PRIM2: variants seen among roughly 807,000 people sequenced by gnomAD.
PRIM2 encodes DNA primase large subunit.
In PRIM2, 39 loss-of-function variants were observed where a neutral mutation model predicts 67.3. The ratio of observed to expected loss-of-function variants is 0.58; its 90% confidence interval spans 0.45 to 0.76. The LOEUF is 0.76. Among genes scored for constraint, PRIM2 ranks in the 30% least tolerant of loss-of-function variants. The probability of loss-of-function intolerance (pLI) is 0.00; values close to 1 mark genes in which losing one functional copy is unlikely to be tolerated. For missense variants in PRIM2, 398 were observed against 598.7 expected (o/e 0.66, Z 3.50); for synonymous variants, 143 against 198.7 (o/e 0.72, Z 2.36).
At chr6:57,440,064 C>G (rs1230538246) in intron 7 of PRIM2, among the ~76,000 whole-genome samples, 1 of 150,880 alleles carries the variant, frequency 6.6e-6, no homozygotes, top group Non-Finnish European at 1.5e-5. Context: ...CAGAAAAGTA[C>G]CAATAAGAAA....
At chr6:57,397,895 A>ATTT (rs1770573606) in intron 7 of PRIM2, among the ~76,000 whole-genome samples, 3 of 98,796 alleles carry the variant, frequency 3.0e-5, no homozygotes, top group African/African-American at 5.3e-5. Context: ...AGATCTTTCT[A>ATTT]ATTTTTTTTT....
At chr6:57,410,691 T>C (rs1301525586) in intron 7 of PRIM2, among the ~76,000 whole-genome samples, 1 of 152,090 alleles carries the variant, frequency 6.6e-6, no homozygotes, top group Admixed American at 6.5e-5. Context: ...AATATAGTTT[T>C]ATTTTTTTTC....
intron 7 of PRIM2, among the ~76,000 whole-genome samples, chr6:57,450,759 T>C (rs1772518162): frequency 6.6e-6 from 1 of 152,326 alleles, no homozygotes; most frequent in South Asian, 2.1e-4. Flanking sequence ...GATCAATCAG[T>C]CAAATATTTA....
chr6:57,274,727 G>C, the PRIM2 span, among the ~76,000 whole-genome samples: 140 of 152,310 alleles, frequency 9.2e-4, 2 homozygotes, highest in Admixed American at 2.5e-3. Flanking sequence ...CATCACTCAC[G>C]CTGGGAGCTG....
chr6:57,319,611 T>C (rs1275943035), intron 2 of PRIM2, among the ~76,000 whole-genome samples: 1 of 152,204 alleles, frequency 6.6e-6, no homozygotes, highest in African/African-American at 2.4e-5. Flanking sequence ...GCCTGAACTA[T>C]GATAATGACA....
At chr6:57,263,740 T>C in the PRIM2 span, among the ~76,000 whole-genome samples, 1 of 152,210 alleles carries the variant, frequency 6.6e-6, no homozygotes, top group Non-Finnish European at 1.5e-5. Context: ...TCTTTTGACA[T>C]CTATCACATC....
At chr6:57,368,482 G>A (rs1273173128) in intron 5 of PRIM2, among the ~76,000 whole-genome samples, 1 of 152,160 alleles carries the variant, frequency 6.6e-6, no homozygotes, top group Non-Finnish European at 1.5e-5. Context: ...GAAGCTTATA[G>A]AAGCTTAAAT....
intron 13 of PRIM2, among the ~76,000 whole-genome samples, chr6:57,637,478 TC>T (rs1305995628): frequency 6.6e-6 from 1 of 152,064 alleles, no homozygotes; most frequent in African/African-American, 2.4e-5. Flanking sequence ...AGGAGCATGT[TC>T]TAACCCAATG....
chr6:57,550,447 A>G (rs1243946645), intron 10 of PRIM2, among the ~76,000 whole-genome samples: 4 of 152,268 alleles, frequency 2.6e-5, no homozygotes, highest in Admixed American at 1.3e-4. Context: ...TAAATTATGT[A>G]TTGGGTTAAG....
At chr6:57,621,831 C>G (rs1562805066) in intron 12 of PRIM2, among the ~76,000 whole-genome samples, 1 of 152,116 alleles carries the variant, frequency 6.6e-6, no homozygotes, top group Non-Finnish European at 1.5e-5. Flanking sequence ...TTCTTTCTAC[C>G]TGAAGGATTT....
At chr6:57,476,667 C>T (rs1346323275) in intron 7 of PRIM2, among the ~76,000 whole-genome samples, 1 of 152,140 alleles carries the variant, frequency 6.6e-6, no homozygotes, top group Non-Finnish European at 1.5e-5. Flanking sequence ...GTACTCTTTG[C>T]TAAAAATTCT....
intron 8 of PRIM2, among the ~76,000 whole-genome samples, chr6:57,528,474 A>G (rs1581971404): frequency 6.6e-6 from 1 of 151,886 alleles, no homozygotes. Context: ...AGGCAAATGT[A>G]TATGTCCTCT....
chr6:57,622,761 A>G (rs1316934835), intron 12 of PRIM2, among the ~76,000 whole-genome samples: 3 of 152,160 alleles, frequency 2.0e-5, no homozygotes, highest in Non-Finnish European at 4.4e-5. Context: ...GCTTCTTGAG[A>G]GGTTGGTTAA....
At chr6:57,501,105 T>C (rs1475375705) in intron 7 of PRIM2, among the ~76,000 whole-genome samples, 1 of 152,178 alleles carries the variant, frequency 6.6e-6, no homozygotes, top group Non-Finnish European at 1.5e-5. Flanking sequence ...TGTTATTGAA[T>C]AGAGAATGTA....
chr6:57,455,528 T>G (rs1293326050), intron 7 of PRIM2, among the ~76,000 whole-genome samples: 1 of 152,234 alleles, frequency 6.6e-6, no homozygotes, highest in African/African-American at 2.4e-5. Flanking sequence ...TTGATCCCTT[T>G]ACCATTATGT....
chr6:57,345,367 A>G (rs1054180793), intron 5 of PRIM2, among the ~76,000 whole-genome samples: 1 of 151,508 alleles, frequency 6.6e-6, no homozygotes, highest in East Asian at 1.9e-4. Context: ...GGGTTTTGTC[A>G]TGTTGGCCAG....
intron 10 of PRIM2, among the ~76,000 whole-genome samples, chr6:57,591,342 A>G (rs1222611575): frequency 2.6e-5 from 4 of 152,302 alleles, no homozygotes; most frequent in African/African-American, 9.6e-5. Context: ...TGCTAAGAAA[A>G]GGCCATAAGG....
rs149436085 is a variant in PRIM2, at chr6:57,439,404, G to GTTTT, written c.693+57262_693+57265dup. On this transcript the variant is annotated intron_variant, in intron 7 of 13. Transcript: ENST00000615550. Reference sequence around the variant, plus strand: ...CATGAGCTTTGAGTAGAGGTACTCTGTTTTTTTTTTTTTTTTTTTTTTTTT... The same window carrying GTTTT: ...CATGAGCTTTGAGTAGAGGTACTCTGTTTTTTTTTTTTTTTTTTTTTTTTTTTTT... Among the ~76,000 whole-genome samples the GTTTT allele has an allele frequency of 3.7e-4, 21 of 57,070 alleles. 2 individuals carry two copies. The highest frequency in any genetic ancestry group is 5.1e-4 in the Non-Finnish European group (15 of 29,180). The allele number at this position is 57,070 out of a possible 152,430, so 37.4% of individuals were successfully genotyped here. A position where few individuals can be genotyped will look rare whatever the true frequency, so the allele number is the denominator to read the frequency against.
chr6:57,271,532 GT>G, the PRIM2 span, among the ~76,000 whole-genome samples: 1 of 151,960 alleles, frequency 6.6e-6, no homozygotes, highest in East Asian at 1.9e-4. Context: ...TTCTTTATTA[GT>G]CTTGCTCGTG....
Sources: allele counts gnomAD v4.1 joint callset (sites outside exome capture counted in the v4.1 genomes callset), GRCh38; gene constraint gnomAD v4.1.1; transcripts MANE v1.5; gene names NCBI Gene and HGNC (gene_info 2026-07-23, HGNC 2026-07-21).